Variants in KCNH8 observed in about 807,000 individuals in gnomAD.
KCNH8 encodes potassium voltage-gated channel subfamily H member 8.
A neutral mutation model predicts 103.6 loss-of-function variants in KCNH8; 70 were observed. The observed-to-expected ratio is 0.68, with a 90% CI of 0.56 to 0.82. The LOEUF (loss-of-function observed/expected upper bound fraction) is 0.82, where lower values mean the gene tolerates loss of function less well. Ranked by LOEUF, KCNH8 falls within the 40% of genes least tolerant of loss-of-function variation. The pLI, the probability that KCNH8 is intolerant of heterozygous loss-of-function variation, is 0.00. For missense variants in KCNH8, 1,217 were observed against 1,329.9 expected (o/e 0.92, Z 1.32); for synonymous variants, 498 against 489.4 (o/e 1.02, Z -0.23).
intron 1 of KCNH8, among the ~76,000 whole-genome samples, chr3:19,243,112 G>A (rs1188912835): frequency 1.3e-5 from 2 of 152,116 alleles, no homozygotes; most frequent in East Asian, 1.9e-4. Context: ...ATGCTGACCT[G>A]AGCGTCTGGC....
intron 3 of KCNH8, among the ~76,000 whole-genome samples, chr3:19,291,598 G>C (rs987394378): frequency 2.6e-5 from 4 of 152,150 alleles, no homozygotes; most frequent in African/African-American, 9.7e-5. Context: ...ATTGCACTGT[G>C]GTCTGAGAGA....
At chr3:19,369,889 G>T (rs997973479) in intron 5 of KCNH8, among the ~76,000 whole-genome samples, 3 of 151,908 alleles carry the variant, frequency 2.0e-5, no homozygotes, top group Non-Finnish European at 2.9e-5. Context: ...CATCAGCTCT[G>T]TCTAGACTAC....
At chr3:19,273,949 T>C (rs1403530589) in intron 2 of KCNH8, among the ~76,000 whole-genome samples, 2 of 152,226 alleles carry the variant, frequency 1.3e-5, no homozygotes, top group Non-Finnish European at 2.9e-5. Context: ...AAATTCTTTT[T>C]ATTATAAAAA....
intron 5 of KCNH8, among the ~76,000 whole-genome samples, chr3:19,378,414 G>A (rs1328238881): frequency 1.3e-5 from 2 of 152,186 alleles, no homozygotes; most frequent in South Asian, 2.1e-4. Flanking sequence ...TAGATAGAAG[G>A]AAAGGTAGAC....
At chr3:19,162,668 GT>G (rs891640360) in intron 1 of KCNH8, among the ~76,000 whole-genome samples, 10 of 152,030 alleles carry the variant, frequency 6.6e-5, no homozygotes, top group Non-Finnish European at 1.2e-4. Flanking sequence ...GGTGGAATTT[GT>G]TTTTAATTAG....
At chr3:19,503,151 T>C (rs1261510042) in intron 11 of KCNH8, among the ~76,000 whole-genome samples, 1 of 151,194 alleles carries the variant, frequency 6.6e-6, no homozygotes, top group Non-Finnish European at 1.5e-5. Flanking sequence ...AGAAGACATT[T>C]ATGCAGCCAA....
intron 11 of KCNH8, among the ~76,000 whole-genome samples, chr3:19,492,410 A>C (rs1008723562): frequency 6.6e-6 from 1 of 152,204 alleles, no homozygotes; most frequent in South Asian, 2.1e-4. Context: ...CAGTTATCCC[A>C]GCACCGTTTA....
Position 19,534,760 on chromosome 3 carries a change from T to G in KCNH8, c.*661T>G, listed in dbSNP as rs946613958. 8 of 152,482 alleles carry G rather than the reference T, an allele frequency of 5.2e-5. No homozygotes were observed. The highest frequency in any genetic ancestry group is 1.9e-4 in the African/African-American group (8 of 41,420). The allele number at this position is 152,482 out of a possible 1,614,324, so 9.4% of individuals were successfully genotyped here. ...TAAAGAAATGAATGTTTTCTTTTCA[T>G]TTTGGTAAAAAAAAAGCTTGCTGTT... On this transcript the variant is annotated 3_prime_UTR_variant, in exon 16 of 16. Coordinates refer to ENST00000328405, the MANE Select transcript of KCNH8 (RefSeq NM_144633.3).
intron 7 of KCNH8, among the ~76,000 whole-genome samples, chr3:19,428,975 T>C (rs1423162238): frequency 1.3e-5 from 2 of 152,192 alleles, no homozygotes; most frequent in East Asian, 3.9e-4. Context: ...TGCCCCCCTT[T>C]AGGTCTCTCT....
chr3:19,358,448 A>G (rs1054373961), intron 5 of KCNH8, among the ~76,000 whole-genome samples: 5 of 151,916 alleles, frequency 3.3e-5, no homozygotes, highest in African/African-American at 1.2e-4. Context: ...AACTACTAAA[A>G]TATGTTCTTT....
intron 5 of KCNH8, among the ~76,000 whole-genome samples, chr3:19,378,146 T>G (rs2066237987): frequency 6.6e-6 from 1 of 152,080 alleles, no homozygotes. Flanking sequence ...TGTCACTCTG[T>G]TTTTCTTCAT....
At chr3:19,488,476 G>T (rs2068256817) in intron 11 of KCNH8, among the ~76,000 whole-genome samples, 1 of 152,142 alleles carries the variant, frequency 6.6e-6, no homozygotes, top group Non-Finnish European at 1.5e-5. Context: ...TATCTTCTGT[G>T]CTTTGACTAA....
At chr3:19,254,218 T>C (rs965625861) in intron 2 of KCNH8, among the ~76,000 whole-genome samples, 3 of 152,120 alleles carry the variant, frequency 2.0e-5, no homozygotes, top group Non-Finnish European at 4.4e-5. Context: ...GTTATTTGTA[T>C]ATTAATAACT....
At chr3:19,497,347 T>C (rs1575141469) in intron 11 of KCNH8, among the ~76,000 whole-genome samples, 1 of 152,202 alleles carries the variant, frequency 6.6e-6, no homozygotes, top group East Asian at 1.9e-4. Flanking sequence ...AGGTTGTTAA[T>C]CTGAGATATT....
At chr3:19,158,101 C>T (rs532304951) in intron 1 of KCNH8, among the ~76,000 whole-genome samples, 32 of 151,368 alleles carry the variant, frequency 2.1e-4, no homozygotes, top group African/African-American at 2.7e-4. Context: ...TTTTATTTTA[C>T]GTATTCAATT....
At chr3:19,500,496 C>A (rs560484449) in intron 11 of KCNH8, among the ~76,000 whole-genome samples, 4 of 151,050 alleles carry the variant, frequency 2.6e-5, no homozygotes, top group Non-Finnish European at 5.9e-5. Context: ...TTTTTCAGCA[C>A]CACACCTATT....
At chr3:19,270,789 A>T (rs1202377977) in intron 2 of KCNH8, among the ~76,000 whole-genome samples, 1 of 152,278 alleles carries the variant, frequency 6.6e-6, no homozygotes, top group East Asian at 1.9e-4. Flanking sequence ...CTAAATTGCC[A>T]CCTAAAACTG....
intron 5 of KCNH8, among the ~76,000 whole-genome samples, chr3:19,370,691 G>A (rs2066077707): frequency 6.6e-6 from 1 of 151,924 alleles, no homozygotes; most frequent in Non-Finnish European, 1.5e-5. Flanking sequence ...CATGTGCCAT[G>A]CTGGTGCACT....
intron 11 of KCNH8, among the ~76,000 whole-genome samples, chr3:19,488,093 C>T (rs868738252): frequency 6.6e-6 from 1 of 152,158 alleles, no homozygotes; most frequent in Non-Finnish European, 1.5e-5. Flanking sequence ...GTCTAATAGC[C>T]CTTCAGCCAG....
Sources: allele counts gnomAD v4.1 joint callset (sites outside exome capture counted in the v4.1 genomes callset), GRCh38; gene constraint gnomAD v4.1.1; transcripts MANE v1.5; gene names NCBI Gene and HGNC (gene_info 2026-07-23, HGNC 2026-07-21).